MYO1F: variants seen among roughly 807,000 people sequenced by gnomAD.
The protein encoded by MYO1F is myosin IF, also known as unconventional myosin-If.
Under a neutral mutation model 146.6 loss-of-function variants are expected in MYO1F, and 60 were observed. The ratio of observed to expected loss-of-function variants is 0.41; its 90% CI spans 0.33 to 0.51. The LOEUF (loss-of-function observed/expected upper bound fraction) is 0.51. Among genes scored for constraint, MYO1F ranks in the 20% least tolerant of loss-of-function variants. The pLI is 0.25. For synonymous variants in MYO1F, 602 were observed against 602.1 expected (o/e 1.00, Z 0.00); for missense variants, 1,274 against 1,534.3 (o/e 0.83, Z 2.83).
intron 17 of MYO1F, 30 bp from the exon 18 acceptor site, chr19:8,536,627 G>T: frequency 6.8e-7 from 1 of 1,479,278 alleles, no homozygotes; most frequent in Non-Finnish European, 9.3e-7. Context: ...GAGTCCCCTC[G>T]GGGTGGGGAG....
At chr19:8,576,254 C>T (rs1474603245) in intron 1 of MYO1F, among the ~76,000 whole-genome samples, 1 of 152,206 alleles carries the variant, frequency 6.6e-6, no homozygotes, top group Non-Finnish European at 1.5e-5. Context: ...CTGTCTCAGC[C>T]TCCTAAAATG....
chr19:8,536,956 C>A lies in MYO1F; in HGVS notation c.1792G>T (p.Glu598Ter). The A allele has an allele frequency of 6.2e-7, 1 of 1,612,510 alleles. No homozygotes were observed. Among genetic ancestry groups the A allele is most frequent in the Non-Finnish European group, 8.5e-7 (1 of 1,179,210 alleles). The change falls in exon 17 of 28, where the codon GAG (glutamate) becomes TAG (stop). Residue 598 changes from glutamate to a stop codon, truncating the protein, a stop_gained. Coordinates refer to ENST00000644032, the MANE Select transcript of MYO1F (RefSeq NM_012335.4). LOFTEE classifies it high-confidence loss of function. ...NETKRPRDWE[E>*]NRVKHQVEYL... is the part of the protein sequence containing the mutation. ...TTGGTTGGGGGGGATCACCTGTTCT[C>A]CTCCCAGTCTCGGGGCCTCTTGGTC...
intron 13 of MYO1F, among the ~76,000 whole-genome samples, chr19:8,544,693 G>A (rs1973265267): frequency 2.0e-5 from 3 of 152,032 alleles, no homozygotes; most frequent in South Asian, 2.1e-4. Context: ...GTGGAAGCTC[G>A]CTGAGGTGCA....
Position 8,577,324 on chromosome 19 carries a change from G to T in MYO1F, c.-15C>A, listed in dbSNP as rs1428463908. On this transcript the variant is annotated 5_prime_UTR_variant, in exon 1 of 28. Coordinates refer to ENST00000644032, the MANE Select transcript of MYO1F (RefSeq NM_012335.4). The surrounding 1 kb of genome is among the most constrained non-coding windows in gnomAD (Gnocchi z 4.3). ...GGACTTACCATGGTGGGGGGCTGGT[G>T]TCTGGGCTCCTGGAGGCTCCTGAAT... is the stretch of plus-strand genomic sequence containing the variant. The T allele has an allele frequency of 6.2e-7, 1 of 1,613,884 alleles. No homozygotes were observed. Among genetic ancestry groups the T allele is most frequent in the African/African-American group, 1.3e-5 (1 of 74,904 alleles).
intron 1 of MYO1F, among the ~76,000 whole-genome samples, chr19:8,561,997 G>A (rs1178229122): frequency 6.6e-6 from 1 of 151,446 alleles, no homozygotes; most frequent in East Asian, 1.9e-4. Context: ...TTACAGGCAT[G>A]AGCCACTGCG....
At position 8,548,030 on chromosome 19, in the gene MYO1F, G is replaced by A. The variant is rs17160563; in HGVS notation, c.1269+6C>T. Reference sequence around the variant, plus strand: ...ATCCCCCATCCCTGACTGCTTGGCCGCCCACCTGCTCGGCCTTCAGGGTAA... The same window carrying A: ...ATCCCCCATCCCTGACTGCTTGGCCACCCACCTGCTCGGCCTTCAGGGTAA... On this transcript the variant is annotated splice_donor_region_variant and intron_variant, in intron 12 of 27. Transcript: ENST00000644032. 84,587 of 1,453,548 alleles carry A rather than the reference G, an allele frequency of 0.058. 4,468 individuals carry two copies. The highest frequency in any genetic ancestry group is 0.18 in the East Asian group (7,595 of 41,094). 90.0% of individuals were successfully genotyped at this position (1,453,548 alleles called of 1,614,324 possible). A position where few individuals can be genotyped will look rare whatever the true frequency, so the allele number is the denominator to read the frequency against.
At chr19:8,564,824 G>A (rs1455660716) in intron 1 of MYO1F, among the ~76,000 whole-genome samples, 2 of 151,822 alleles carry the variant, frequency 1.3e-5, no homozygotes, top group Admixed American at 1.3e-4. Context: ...CCAGGCTGGA[G>A]TGCAGTGGTA....
rs568865599 is a variant in MYO1F, at chr19:8,565,223, A to G, written c.4-9427T>C. Among the ~76,000 whole-genome samples, 8 of 151,664 alleles carry G rather than the reference A, an allele frequency of 5.3e-5. No homozygotes were observed. In the South Asian group the frequency reaches 1.7e-3, roughly 32 times the overall value. On this transcript the variant is annotated intron_variant, in intron 1 of 27. Coordinates refer to ENST00000644032, the MANE Select transcript of MYO1F (RefSeq NM_012335.4). The stretch of plus-strand genomic sequence containing the variant: ...ATTTCATTTTCAAGATGGGGAGACC[A>G]GATGGTTGATGAGAAGAGACAATAA...
chr19:8,540,711 C>CAAA (rs532470178), intron 15 of MYO1F, among the ~76,000 whole-genome samples: 2,489 of 142,748 alleles, frequency 0.017, 65 homozygotes, highest in African/African-American at 0.052. Flanking sequence ...GACACTGTCT[C>CAAA]CAAAAAAAAA....
rs760740712 is a variant in MYO1F, at chr19:8,536,400, A to G, written c.1899-4T>C. ...CTCGGGGGTCAGAATGGCATACCTG[A>G]GGGCGGAGGGCTGGGGTGTGGGAGT... is the stretch of plus-strand genomic sequence containing the variant. On this transcript the variant is annotated splice_region_variant and splice_polypyrimidine_tract_variant and intron_variant, in intron 18 of 27. Transcript: ENST00000644032. 31 of 1,603,376 alleles carry G rather than the reference A, an allele frequency of 1.9e-5. 1 individual carries two copies. In the South Asian group the frequency reaches 3.2e-4, roughly 17 times the overall value.
intron 25 of MYO1F, among the ~76,000 whole-genome samples, chr19:8,523,156 C>CG (rs1343091456): frequency 6.6e-6 from 1 of 151,644 alleles, no homozygotes; most frequent in African/African-American, 2.4e-5. Flanking sequence ...CTCAGCCTCC[C>CG]GAGTAGCTGG....
chr19:8,557,641 T>C (rs1184449829), intron 1 of MYO1F, among the ~76,000 whole-genome samples: 1 of 152,042 alleles, frequency 6.6e-6, no homozygotes. Flanking sequence ...CATCTGTCAC[T>C]CCACCTAGTA....
chr19:8,551,793 C>T lies in MYO1F; in HGVS notation c.718G>A (p.Asp240Asn). Residue 240 changes from aspartate (D) to asparagine (N), a missense_variant, in exon 8 of 28, where the codon GAC (aspartate) becomes AAC (asparagine). Around this residue, in one of 2 missense-constraint regions of MYO1F, gnomAD observed 900 missense variants for 1,155.1 expected, o/e 0.78. Coordinates refer to ENST00000644032, the MANE Select transcript of MYO1F (RefSeq NM_012335.4). ...TCCGTGCCGTCCACCTGGTAGGTGT[C>T]CGATTGGTTGAGGTAGTAATAGTAG... is the stretch of plus-strand genomic sequence containing the variant. ...PDYYYYLNQS[D>N]TYQVDGTDDR... 2 of 1,614,134 alleles carry T rather than the reference C, an allele frequency of 1.2e-6. No individual in the cohort carries two copies. The highest frequency in any genetic ancestry group is 1.7e-6 in the Non-Finnish European group (2 of 1,180,028).
chr19:8,570,077 A>ATT (rs879946477), intron 1 of MYO1F, among the ~76,000 whole-genome samples: 1 of 141,110 alleles, frequency 7.1e-6, no homozygotes, highest in Non-Finnish European at 1.6e-5. Flanking sequence ...TGGCTAATAC[A>ATT]TTTTTTTTTT....
Position 8,544,524 on chromosome 19 carries a change from TC to T in MYO1F, c.1357-61del, listed in dbSNP as rs1973253166. ...TTGGTCTGCCTTGCCTCCCCACAGCTCGTCAGTGCAGAGATTAGGGGAGGGA... is the reference window on the plus strand; with the variant it reads ...TTGGTCTGCCTTGCCTCCCCACAGCTGTCAGTGCAGAGATTAGGGGAGGGA... On this transcript the variant is annotated intron_variant, in intron 13 of 27. Coordinates refer to ENST00000644032, the MANE Select transcript of MYO1F (RefSeq NM_012335.4). 117 of 1,539,984 alleles carry T rather than the reference TC, an allele frequency of 7.6e-5. 1 individual carries two copies. In the South Asian group the frequency reaches 1.3e-3, roughly 17 times the overall value.
At chr19:8,523,124 T>G (rs570164828) in intron 25 of MYO1F, among the ~76,000 whole-genome samples, 1 of 151,414 alleles carries the variant, frequency 6.6e-6, no homozygotes, top group Non-Finnish European at 1.5e-5. Context: ...CTCCGCCTCC[T>G]GGGTTCACGC....
At position 8,536,111 on chromosome 19, in the gene MYO1F, A is replaced by G. The variant is rs1162736009; in HGVS notation, c.2043+141T>C. 1.8e-5 allele frequency: 20 copies of G among 1,106,358 alleles called. No homozygotes were observed. In the Admixed American group the frequency reaches 2.2e-4, roughly 12 times the overall value. The allele number at this position is 1,106,358 out of a possible 1,614,324, so 68.5% of individuals were successfully genotyped here. On this transcript the variant is annotated intron_variant, in intron 19 of 27. Transcript: ENST00000644032. ...TTTCTCTGTCAATCCCTCTCTCTCA[A>G]TCTGTTTCTCAATTTCTCAATCTAT...
chr19:8,572,882 G>T (rs527825363), intron 1 of MYO1F, among the ~76,000 whole-genome samples: 4 of 152,236 alleles, frequency 2.6e-5, no homozygotes, highest in African/African-American at 9.6e-5. Flanking sequence ...GCTTTGTAGA[G>T]ATGGGGTATT....
intron 4 of MYO1F, among the ~76,000 whole-genome samples, chr19:8,553,894 A>ACACACACTCTCTCT: frequency 4.3e-4 from 44 of 102,666 alleles, no homozygotes; most frequent in African/African-American, 1.7e-3. Flanking sequence ...ACACACACAC[A>ACACACACTCTCTCT]CTCTCTCTCT....
Sources: gnomAD v4.1 joint callset for allele counts (sites outside exome capture counted in the v4.1 genomes callset) on GRCh38, gnomAD v4.1.1 for gene constraint, gnomAD v4.1.1 regional missense constraint, Gnocchi (gnomAD v3.1) non-coding constraint, MANE v1.5 for transcripts, NCBI Gene and HGNC (gene_info 2026-07-23, HGNC 2026-07-21) for gene names.